The following KIRREL3 variants were observed in gnomAD, a reference collection of about 807,000 sequenced individuals.
KIRREL3 encodes the protein kirre like nephrin family adhesion molecule 3.
In KIRREL3, 36 loss-of-function variants were observed where a neutral mutation model predicts 89.7. The ratio of observed to expected loss-of-function variants is 0.40; its 90% confidence interval spans 0.31 to 0.53. KIRREL3 has a LOEUF of 0.53. KIRREL3 is among the 20% of genes least tolerant of loss of function. The pLI, the probability that KIRREL3 is intolerant of heterozygous loss-of-function variation, is 0.49. For synonymous variants in KIRREL3, 445 were observed against 441.4 expected (o/e 1.01, Z -0.10); for missense variants, 864 against 1,056.6 (o/e 0.82, Z 2.53).
In KIRREL3 at chr11:126,843,823, C is replaced by A. The variant is rs1055773854; in HGVS notation, c.55+156632G>T. On this transcript the variant is annotated intron_variant, in intron 1 of 16. Coordinates refer to ENST00000525144, the MANE Select transcript of KIRREL3 (RefSeq NM_032531.4). This position sits in a 1 kb window ranked among gnomAD's most constrained non-coding sequence, Gnocchi z 4.6. ...GAATGACCTCTGGTCATCCTCACTG[C>A]TACACTCCCACCCGTGCCATGACAG... 6.6e-6 allele frequency among the ~76,000 whole-genome samples: 1 copy of A among 152,140 alleles called. No homozygotes were observed. The highest frequency in any genetic ancestry group is 6.5e-5 in the Admixed American group (1 of 15,278).
rs558017858 is a variant in KIRREL3 at position 126,997,221 on chromosome 11, A to T, written c.55+3234T>A. ...AGAGGAAAAAATATAGCAAGTTCTA[A>T]GTTTATGGATGACAAAAGAATCGAT... On this transcript the variant is annotated intron_variant, in intron 1 of 16. Coordinates refer to ENST00000525144, the MANE Select transcript of KIRREL3 (RefSeq NM_032531.4). This position sits in a 1 kb window ranked among gnomAD's most constrained non-coding sequence, Gnocchi z 4.3. 2.6e-4 allele frequency among the ~76,000 whole-genome samples: 40 copies of T among 152,324 alleles called. No individual in the cohort carries two copies. The highest frequency in any genetic ancestry group is 6.5e-4 in the African/African-American group (27 of 41,574).
At chr11:126,838,786 T>A (rs1337223450) in intron 1 of KIRREL3, among the ~76,000 whole-genome samples, 3 of 152,064 alleles carry the variant, frequency 2.0e-5, no homozygotes, top group African/African-American at 7.2e-5. Flanking sequence ...TGTATGGCAG[T>A]AATAAAGGGG....
rs970594294 is a variant in KIRREL3 at position 126,623,996 on chromosome 11, C to T, written c.56-61084G>A. On this transcript the variant is annotated intron_variant, in intron 1 of 16. Transcript: ENST00000525144. The surrounding 1 kb of genome is among the most constrained non-coding windows in gnomAD (Gnocchi z 4.1). ...GGTCAGAAAGATCCAACAGCTCAGACAAGGAGAAGGGAAGAGCTAATCTCC... is the reference window on the plus strand; with the variant it reads ...GGTCAGAAAGATCCAACAGCTCAGATAAGGAGAAGGGAAGAGCTAATCTCC... Among the ~76,000 whole-genome samples the T allele has an allele frequency of 2.6e-5, 4 of 152,148 alleles. No homozygotes were observed. The highest frequency in any genetic ancestry group is 9.7e-5 in the African/African-American group (4 of 41,428).
chr11:126,733,147 T>A (rs1466994498), intron 1 of KIRREL3, among the ~76,000 whole-genome samples: 1 of 152,266 alleles, frequency 6.6e-6, no homozygotes, highest in Non-Finnish European at 1.5e-5. Flanking sequence ...TATGAAACTT[T>A]ACAGTTTCAC....
intron 1 of KIRREL3, among the ~76,000 whole-genome samples, chr11:126,590,064 T>G (rs1046882252): frequency 2.0e-4 from 31 of 152,360 alleles, no homozygotes; most frequent in Admixed American, 5.9e-4. Context: ...CTTTCATTGT[T>G]GAGCATTTGT....
intron 1 of KIRREL3, among the ~76,000 whole-genome samples, chr11:126,573,978 T>G (rs964090921): frequency 1.6e-4 from 25 of 152,186 alleles, no homozygotes; most frequent in African/African-American, 6.0e-4. Context: ...ATTCTATTCT[T>G]GTCAGAGATA....
Position 126,976,402 on chromosome 11 carries a change from A to G in KIRREL3, c.55+24053T>C, listed in dbSNP as rs1324917200. Among the ~76,000 whole-genome samples the G allele has an allele frequency of 6.6e-6, 1 of 152,200 alleles. No homozygotes were observed. Among genetic ancestry groups the G allele is most frequent in the African/African-American group, 2.4e-5 (1 of 41,460 alleles). Reference sequence around the variant, plus strand: ...CTGAGTGTTTATGAACCGTTACATTAATCTCCTGCAGATTTTTTTCTGGAG... The same window carrying G: ...CTGAGTGTTTATGAACCGTTACATTGATCTCCTGCAGATTTTTTTCTGGAG... On this transcript the variant is annotated intron_variant, in intron 1 of 16. Coordinates refer to ENST00000525144, the MANE Select transcript of KIRREL3 (RefSeq NM_032531.4). This position sits in a 1 kb window ranked among gnomAD's most constrained non-coding sequence, Gnocchi z 4.2.
In KIRREL3 at chr11:126,562,651, C is replaced by G. The variant is rs767157372; in HGVS notation, c.133+184G>C. 6.6e-6 allele frequency among the ~76,000 whole-genome samples: 1 copy of G among 152,168 alleles called. No individual in the cohort carries two copies. The highest frequency in any genetic ancestry group is 2.4e-5 in the African/African-American group (1 of 41,432). ...GCCCCTGAATCAGCATCCTGTGTTT[C>G]AGGCATTCACTATGCTTCCCCATGT... On this transcript the variant is annotated intron_variant, in intron 2 of 16. Transcript: ENST00000525144. The surrounding 1 kb of genome is among the most constrained non-coding windows in gnomAD (Gnocchi z 4.7).
intron 1 of KIRREL3, among the ~76,000 whole-genome samples, chr11:126,762,049 T>G (rs1949680466): frequency 6.6e-6 from 1 of 152,004 alleles, no homozygotes; most frequent in Admixed American, 6.6e-5. Flanking sequence ...GATGGTGGTG[T>G]GCAACTGGCT....
At chr11:126,663,321 G>A (rs1945508367) in intron 1 of KIRREL3, among the ~76,000 whole-genome samples, 1 of 151,550 alleles carries the variant, frequency 6.6e-6, no homozygotes, top group Non-Finnish European at 1.5e-5. Context: ...GAGTAGCTGG[G>A]ACTACAGGTG....
rs1440242467 is a variant in KIRREL3, at chr11:126,537,430, G to T, written c.134-10743C>A. Among the ~76,000 whole-genome samples, 1 of 152,226 alleles carries T rather than the reference G, an allele frequency of 6.6e-6. No individual in the cohort carries two copies. The highest frequency in any genetic ancestry group is 2.4e-5 in the African/African-American group (1 of 41,456). ...CAAGCAAGGGAGTTGTGGGGAGGAA[G>T]CAGAGAAGGCATCCTGGAGGAGGAA... On this transcript the variant is annotated intron_variant, in intron 2 of 16. Transcript: ENST00000525144. This position sits in a 1 kb window ranked among gnomAD's most constrained non-coding sequence, Gnocchi z 4.3.
rs1464190964 is a variant in KIRREL3, at chr11:126,697,942, G to T, written c.56-135030C>A. On this transcript the variant is annotated intron_variant, in intron 1 of 16. Transcript: ENST00000525144. This position sits in a 1 kb window ranked among gnomAD's most constrained non-coding sequence, Gnocchi z 4.2. ...GAAGAGAGAGCCAGGGAGGCTCAGA[G>T]ACTGAGCAAGTGCCAAGAAGGGAAG... is the stretch of plus-strand genomic sequence containing the variant. Among the ~76,000 whole-genome samples, 1 of 152,220 alleles carries T rather than the reference G, an allele frequency of 6.6e-6. No homozygotes were observed. The highest frequency in any genetic ancestry group is 1.9e-4 in the East Asian group (1 of 5,198).
rs1955041356 is a variant in KIRREL3, at chr11:126,429,183, A to C, written c.1802T>G (p.Leu601Arg). 4 of 1,605,706 alleles carry C rather than the reference A, an allele frequency of 2.5e-6. No individual in the cohort carries two copies. Among genetic ancestry groups the C allele is most frequent in the Non-Finnish European group, 3.4e-6 (4 of 1,172,466 alleles). The change falls in exon 15 of 17, where the codon CTG becomes CGG. Residue 601 changes from leucine (L) to arginine (R), a missense_variant. Transcript: ENST00000525144. This position sits in a 1 kb window ranked among gnomAD's most constrained non-coding sequence, Gnocchi z 5.2. ...EGEEHSTIKQ[L>R]MMDRGEFQQD... ...GGGGCGTAATTGCATTCTTACCATC[A>C]GCTGCTTGATGGTGGAGTGCTCCTC...
intron 1 of KIRREL3, among the ~76,000 whole-genome samples, chr11:126,949,473 C>T (rs937547665): frequency 5.9e-5 from 9 of 152,234 alleles, no homozygotes; most frequent in Admixed American, 5.9e-4. Context: ...CATGCACATG[C>T]CCCTCCCCAT....
chr11:126,716,069 T>G (rs1592009091), intron 1 of KIRREL3, among the ~76,000 whole-genome samples: 1 of 145,914 alleles, frequency 6.9e-6, no homozygotes, highest in South Asian at 2.2e-4. Flanking sequence ...ATGTGGGAGG[T>G]GATGAGAAAG....
chr11:126,570,220 G>A lies in KIRREL3; in HGVS notation c.56-7308C>T, dbSNP rs371984679. Among the ~76,000 whole-genome samples, 8 of 152,152 alleles carry A rather than the reference G, an allele frequency of 5.3e-5. No individual in the cohort carries two copies. The highest frequency in any genetic ancestry group is 2.1e-4 in the South Asian group (1 of 4,818). Reference sequence around the variant, plus strand: ...TTTACTAAATAACTATAAACTTTACGTTGTTGTAAAGACATAATTGCTTCT... The same window carrying A: ...TTTACTAAATAACTATAAACTTTACATTGTTGTAAAGACATAATTGCTTCT... On this transcript the variant is annotated intron_variant, in intron 1 of 16. Coordinates refer to ENST00000525144, the MANE Select transcript of KIRREL3 (RefSeq NM_032531.4). This position sits in a 1 kb window ranked among gnomAD's most constrained non-coding sequence, Gnocchi z 6.1.
At chr11:126,586,992 T>C (rs1306886484) in intron 1 of KIRREL3, among the ~76,000 whole-genome samples, 5 of 152,084 alleles carry the variant, frequency 3.3e-5, no homozygotes, top group Non-Finnish European at 7.4e-5. Context: ...ACACTTACTA[T>C]GGCTAAGCAT....
At chr11:126,444,271 G>A (rs895387712) in intron 10 of KIRREL3, among the ~76,000 whole-genome samples, 1 of 152,204 alleles carries the variant, frequency 6.6e-6, no homozygotes, top group Non-Finnish European at 1.5e-5. Context: ...ACGGTGACAG[G>A]GCTCCCTGGC....
In KIRREL3 at chr11:126,903,140, C is replaced by T. The variant is rs780780242; in HGVS notation, c.55+97315G>A. ...AGCTGTGGTAAAGCACTCTCTCAGG[C>T]ACAAATATGCTTCTGATTTAAGAAA... On this transcript the variant is annotated intron_variant, in intron 1 of 16. Coordinates refer to ENST00000525144, the MANE Select transcript of KIRREL3 (RefSeq NM_032531.4). This position sits in a 1 kb window ranked among gnomAD's most constrained non-coding sequence, Gnocchi z 4.5. Among the ~76,000 whole-genome samples, 1 of 152,142 alleles carries T rather than the reference C, an allele frequency of 6.6e-6. No individual in the cohort carries two copies. Among genetic ancestry groups the T allele is most frequent in the Non-Finnish European group, 1.5e-5 (1 of 68,034 alleles).
Sources: gnomAD v4.1 joint callset for allele counts (sites outside exome capture counted in the v4.1 genomes callset) on GRCh38, gnomAD v4.1.1 for gene constraint, Gnocchi (gnomAD v3.1) non-coding constraint, MANE v1.5 for transcripts, NCBI Gene and HGNC (gene_info 2026-07-23, HGNC 2026-07-21) for gene names.